COL25A1: variants seen among roughly 807,000 people sequenced by gnomAD.
The protein encoded by COL25A1 is collagen type XXV alpha 1 chain.
COL25A1 carries 103 observed loss-of-function variants against 128.4 expected under a neutral mutation model. That is an observed-to-expected ratio of 0.80 (90% CI 0.68 to 0.94). The LOEUF (loss-of-function observed/expected upper bound fraction) is 0.94, where lower values mean the gene tolerates loss of function less well. Among genes scored for constraint, COL25A1 ranks in the 40% least tolerant of loss-of-function variants. The probability of loss-of-function intolerance (pLI) is 0.00; values close to 1 mark genes in which losing one functional copy is unlikely to be tolerated. For missense variants in COL25A1, 745 were observed against 840.0 expected, an observed-to-expected ratio of 0.89 and a Z score of 1.40; for synonymous variants, 279 against 277.2, an observed-to-expected ratio of 1.01 and a Z score of -0.06.
At chr4:108,845,523 T>G (rs1734982223) in intron 28 of COL25A1, among the ~76,000 whole-genome samples, 1 of 152,202 alleles carries the variant, frequency 6.6e-6, no homozygotes, top group South Asian at 2.1e-4. Context: ...TTAAATACAT[T>G]GAGTTATAAA....
At chr4:108,978,715 C>T (rs1221641172) in intron 6 of COL25A1, among the ~76,000 whole-genome samples, 1 of 152,132 alleles carries the variant, frequency 6.6e-6, no homozygotes. Context: ...GTTCAGGTGA[C>T]AGTATCAATG....
intron 3 of COL25A1, among the ~76,000 whole-genome samples, chr4:109,062,100 G>T (rs1011908766): frequency 3.3e-5 from 5 of 152,058 alleles, no homozygotes; most frequent in African/African-American, 1.2e-4. Flanking sequence ...TTTCCATCTG[G>T]CATCTTTCGT....
intron 8 of COL25A1, among the ~76,000 whole-genome samples, chr4:108,965,366 CTG>C (rs1751174263): frequency 6.6e-6 from 1 of 152,096 alleles, no homozygotes; most frequent in Non-Finnish European, 1.5e-5. Flanking sequence ...TATCAGGACT[CTG>C]TGTTATTTGG....
At chr4:109,150,995 T>A (rs769299603) in intron 3 of COL25A1, among the ~76,000 whole-genome samples, 2 of 152,152 alleles carry the variant, frequency 1.3e-5, no homozygotes, top group African/African-American at 2.4e-5. Flanking sequence ...TTTTGGTTAG[T>A]TGAAAATTAA....
At chr4:108,909,744 A>G (rs1429197004) in intron 13 of COL25A1, among the ~76,000 whole-genome samples, 1 of 152,212 alleles carries the variant, frequency 6.6e-6, no homozygotes, top group African/African-American at 2.4e-5. Context: ...GCCTTGAGGA[A>G]ACTCACAAAA....
chr4:108,916,806 T>C (rs1275387352), intron 13 of COL25A1, among the ~76,000 whole-genome samples: 3 of 152,136 alleles, frequency 2.0e-5, no homozygotes, highest in African/African-American at 7.2e-5. Flanking sequence ...TTTTACTAAG[T>C]GGAAAATGTA....
intron 3 of COL25A1, among the ~76,000 whole-genome samples, chr4:109,170,786 A>G (rs1469873800): frequency 6.6e-6 from 1 of 152,206 alleles, no homozygotes; most frequent in African/African-American, 2.4e-5. Flanking sequence ...GTTTTTAAAC[A>G]ATGAATCAGA....
At chr4:109,184,171 A>C (rs953160830) in intron 3 of COL25A1, among the ~76,000 whole-genome samples, 2 of 152,190 alleles carry the variant, frequency 1.3e-5, no homozygotes, top group Non-Finnish European at 2.9e-5. Context: ...AATTTTGCTT[A>C]CAAGGAAGTG....
intron 3 of COL25A1, among the ~76,000 whole-genome samples, chr4:109,280,738 A>T (rs1261043580): frequency 6.6e-6 from 1 of 151,716 alleles, no homozygotes; most frequent in Non-Finnish European, 1.5e-5. Flanking sequence ...CTGCAACCTC[A>T]GTCTCCTGAG....
At chr4:109,271,150 G>C (rs1208938900) in intron 3 of COL25A1, among the ~76,000 whole-genome samples, 1 of 152,116 alleles carries the variant, frequency 6.6e-6, no homozygotes, top group Non-Finnish European at 1.5e-5. Flanking sequence ...TTTTGCATCA[G>C]TTTTGAATAT....
intron 3 of COL25A1, among the ~76,000 whole-genome samples, chr4:109,226,872 G>T (rs1192565275): frequency 6.6e-6 from 1 of 151,972 alleles, no homozygotes; most frequent in Non-Finnish European, 1.5e-5. Context: ...AAACACTCAG[G>T]TATAGTAACA....
At chr4:109,107,230 C>T (rs1766526966) in intron 3 of COL25A1, among the ~76,000 whole-genome samples, 1 of 151,974 alleles carries the variant, frequency 6.6e-6, no homozygotes, top group African/African-American at 2.4e-5. Flanking sequence ...TTTTTTTACC[C>T]TGTCTCCACA....
At chr4:108,889,630 G>A in intron 17 of COL25A1, 71 bp downstream of exon 17, 4 of 1,347,926 alleles carry the variant, frequency 3.0e-6, no homozygotes, top group Non-Finnish European at 4.2e-6. Context: ...TAAAAAGGGA[G>A]AGAAAGTAGA....
intron 15 of COL25A1, 38 bp from the exon 16 acceptor site, chr4:108,896,749 GGT>G (rs762500478): frequency 6.4e-7 from 1 of 1,552,720 alleles, no homozygotes; most frequent in Non-Finnish European, 8.9e-7. Context: ...AAAATACATT[GGT>G]GACGTCAAGC....
At chr4:109,119,130 T>C (rs982098272) in intron 3 of COL25A1, among the ~76,000 whole-genome samples, 1 of 151,946 alleles carries the variant, frequency 6.6e-6, no homozygotes, top group African/African-American at 2.4e-5. Flanking sequence ...AGAAGAACTC[T>C]CAAGAGAACT....
intron 3 of COL25A1, among the ~76,000 whole-genome samples, chr4:109,164,043 G>GGT (rs1772834560): frequency 1.3e-5 from 2 of 151,946 alleles, no homozygotes; most frequent in South Asian, 4.2e-4. Context: ...TGAATTACAA[G>GGT]GTTTTTTTTT....
At chr4:109,014,272 A>G (rs1756995536) in intron 5 of COL25A1, among the ~76,000 whole-genome samples, 1 of 151,752 alleles carries the variant, frequency 6.6e-6, no homozygotes, top group Non-Finnish European at 1.5e-5. Flanking sequence ...GTGCCACTGT[A>G]CTCTAGCCTC....
intron 5 of COL25A1, among the ~76,000 whole-genome samples, chr4:109,014,435 T>C (rs531678580): frequency 6.6e-6 from 1 of 152,128 alleles, no homozygotes; most frequent in Non-Finnish European, 1.5e-5. Flanking sequence ...AATGAAAAAT[T>C]TGTTTAGTAT....
At chr4:108,880,226 A>G (rs557444711) in intron 19 of COL25A1, among the ~76,000 whole-genome samples, 3 of 152,354 alleles carry the variant, frequency 2.0e-5, no homozygotes, top group East Asian at 3.9e-4. Context: ...AGAACCAGGA[A>G]GAAGAACATT....
Sources: allele counts gnomAD v4.1 joint callset (sites outside exome capture counted in the v4.1 genomes callset), GRCh38; gene constraint gnomAD v4.1.1; transcripts MANE v1.5; gene names NCBI Gene and HGNC (gene_info 2026-07-23, HGNC 2026-07-21).